BLNK: variants seen among roughly 807,000 people sequenced by gnomAD.
The protein encoded by BLNK is B cell linker.
BLNK carries 29 observed loss-of-function variants against 73.5 expected under a neutral mutation model. That is an observed-to-expected ratio of 0.39 (90% confidence interval 0.29 to 0.54). BLNK has a LOEUF of 0.54. Ranked by LOEUF, BLNK falls within the 20% of genes least tolerant of loss-of-function variation. The pLI, the probability that BLNK is intolerant of heterozygous loss-of-function variation, is 0.61. For synonymous variants in BLNK, 176 were observed against 200.8 expected (o/e 0.88, Z 1.04); for missense variants, 460 against 562.8 (o/e 0.82, Z 1.85).
chr10:96,230,895 C>T, intron 3 of BLNK, 61 bp from the exon 4 acceptor site: 1 of 1,571,596 alleles, frequency 6.4e-7, no homozygotes, highest in Non-Finnish European at 8.7e-7. Context: ...CAGCCCCAGC[C>T]CATCCACACA....
intron 8 of BLNK, among the ~76,000 whole-genome samples, chr10:96,211,217 C>A (rs1042948718): frequency 6.6e-6 from 1 of 152,162 alleles, no homozygotes; most frequent in East Asian, 1.9e-4. Context: ...GCTGGACCTG[C>A]TGCCCTCAGT....
intron 1 of BLNK, among the ~76,000 whole-genome samples, chr10:96,254,509 TGTTTTG>T (rs1564848942): frequency 1.4e-5 from 2 of 143,506 alleles, no homozygotes; most frequent in African/African-American, 5.0e-5. Context: ...GTTTTTTTTT[TGTTTTG>T]TTTTGTTTTT....
intron 9 of BLNK, 145 bp from the exon 10 acceptor site, chr10:96,208,044 A>G (rs2083863298): frequency 1.1e-6 from 1 of 873,230 alleles, no homozygotes; most frequent in Non-Finnish European, 1.9e-6. Context: ...GTGGAGAGGG[A>G]TGGAAGTGGG....
chr10:96,254,713 G>T lies in BLNK; in HGVS notation c.48-7664C>A, dbSNP rs1843439408. On this transcript the variant is annotated intron_variant, in intron 1 of 16. Transcript: ENST00000224337. ...TTTAGTAGAGACGGGGTTTCACCAT[G>T]TTGGCCAGGCTGGTCTCGAACTTCT... is the stretch of plus-strand genomic sequence containing the variant. Among the ~76,000 whole-genome samples the T allele has an allele frequency of 1.3e-5, 2 of 151,976 alleles. 1 individual carries two copies. Among genetic ancestry groups the T allele is most frequent in the South Asian group, 4.1e-4 (2 of 4,826 alleles).
At chr10:96,192,265 T>C (rs587745152) in intron 16 of BLNK, among the ~76,000 whole-genome samples, 173 bp from the exon 17 acceptor site, 40 of 152,318 alleles carry the variant, frequency 2.6e-4, no homozygotes, top group Non-Finnish European at 5.0e-4. Flanking sequence ...TGGCAGACCT[T>C]GGACTTTGCT....
At chr10:96,237,246 A>G (rs777497061) in intron 3 of BLNK, among the ~76,000 whole-genome samples, 3 of 152,146 alleles carry the variant, frequency 2.0e-5, no homozygotes, top group Non-Finnish European at 4.4e-5. Flanking sequence ...AGCAATGTTA[A>G]ATCTCACTTC....
In BLNK at chr10:96,209,956, T is replaced by C. The variant is rs369486553; in HGVS notation, c.677-49A>G. ...AGTCCCCAAGTCCTGAGCCGGGGGC[T>C]GATGCTCACACTGAGGCTGGCCTCT... On this transcript the variant is annotated intron_variant, in intron 8 of 16. Coordinates refer to ENST00000224337, the MANE Select transcript of BLNK (RefSeq NM_013314.4). 2.7e-5 allele frequency: 43 copies of C among 1,596,530 alleles called. No homozygotes were observed. The Middle Eastern group carries it at 5.0e-4, about 18-fold the overall frequency.
At chr10:96,249,592 C>A (rs1480053025) in intron 1 of BLNK, among the ~76,000 whole-genome samples, 1 of 152,196 alleles carries the variant, frequency 6.6e-6, no homozygotes, top group Non-Finnish European at 1.5e-5. Flanking sequence ...ACTTAGGCTG[C>A]AGATTTTGGG....
At chr10:96,196,097 C>G (rs1483470810) in intron 16 of BLNK, among the ~76,000 whole-genome samples, 2 of 152,150 alleles carry the variant, frequency 1.3e-5, no homozygotes, top group Non-Finnish European at 2.9e-5. Flanking sequence ...AATGGTGTAC[C>G]TTTTTCTGAA....
intron 3 of BLNK, among the ~76,000 whole-genome samples, chr10:96,233,754 C>A (rs2134053636): frequency 6.6e-6 from 1 of 152,350 alleles, no homozygotes; most frequent in East Asian, 1.9e-4. Flanking sequence ...GTACTTCGTT[C>A]TGTCCTGTGC....
intron 3 of BLNK, among the ~76,000 whole-genome samples, chr10:96,233,455 AG>A (rs1842581936): frequency 1.3e-5 from 2 of 152,178 alleles, no homozygotes; most frequent in South Asian, 4.2e-4. Flanking sequence ...TATGGAATCA[AG>A]TAGAGGTTCT....
intron 1 of BLNK, among the ~76,000 whole-genome samples, chr10:96,266,259 C>T (rs550796511): frequency 1.3e-5 from 2 of 152,268 alleles, no homozygotes; most frequent in African/African-American, 2.4e-5. Context: ...CTTTTCAATC[C>T]AGTAATCTAG....
chr10:96,226,779 T>C (rs1842282051), intron 5 of BLNK, among the ~76,000 whole-genome samples: 2 of 151,448 alleles, frequency 1.3e-5, no homozygotes, highest in Admixed American at 1.3e-4. Context: ...GAGGTTGCAG[T>C]GAAGCGAGTT....
intron 5 of BLNK, among the ~76,000 whole-genome samples, chr10:96,225,642 ATTT>A (rs1370370295): frequency 1.4e-5 from 2 of 138,912 alleles, no homozygotes; most frequent in Non-Finnish European, 1.6e-5. Flanking sequence ...GAAGAGTGTG[ATTT>A]TTTTTTTTTT....
At chr10:96,264,008 C>T (rs1003555344) in intron 1 of BLNK, among the ~76,000 whole-genome samples, 2 of 152,160 alleles carry the variant, frequency 1.3e-5, no homozygotes, top group Non-Finnish European at 2.9e-5. Flanking sequence ...TGGAATTCCA[C>T]CCCATCAGCA....
chr10:96,262,734 C>T (rs1200149032), intron 1 of BLNK, among the ~76,000 whole-genome samples: 2 of 152,212 alleles, frequency 1.3e-5, no homozygotes, highest in Non-Finnish European at 2.9e-5. Flanking sequence ...ACCAGACACA[C>T]CTGAGTCAGT....
intron 3 of BLNK, among the ~76,000 whole-genome samples, chr10:96,231,683 T>C (rs1285933991): frequency 6.7e-6 from 1 of 149,644 alleles, no homozygotes; most frequent in Non-Finnish European, 1.5e-5. Flanking sequence ...GCTGTGATTG[T>C]GCCATTGCAC....
In BLNK at chr10:96,189,276, C is replaced by T. The variant is rs2083293483; in HGVS notation, c.*2697G>A. 4.7e-6 allele frequency: 2 copies of T among 425,846 alleles called. No homozygotes were observed. Among genetic ancestry groups the T allele is most frequent in the Non-Finnish European group, 8.8e-6 (2 of 226,718 alleles). 26.4% of individuals were successfully genotyped at this position (425,846 alleles called of 1,614,324 possible). A position where few individuals can be genotyped will look rare whatever the true frequency, so the allele number is the denominator to read the frequency against. ...CACAGTAGGGAAAGTTCTCACTCTG[C>T]ATTATAGAAAGGACAGCCAGATATT... On this transcript the variant is annotated 3_prime_UTR_variant, in exon 17 of 17. Coordinates refer to ENST00000224337, the MANE Select transcript of BLNK (RefSeq NM_013314.4).
chr10:96,251,427 A>G (rs1412214741), intron 1 of BLNK, among the ~76,000 whole-genome samples: 3 of 152,240 alleles, frequency 2.0e-5, no homozygotes, highest in Non-Finnish European at 2.9e-5. Context: ...CTGGATTCAA[A>G]CAGCAATCCT....
Sources: allele counts gnomAD v4.1 joint callset (sites outside exome capture counted in the v4.1 genomes callset), GRCh38; gene constraint gnomAD v4.1.1; transcripts MANE v1.5; gene names NCBI Gene and HGNC (gene_info 2026-07-23, HGNC 2026-07-21).